EXOC2: variants seen among roughly 807,000 people sequenced by gnomAD.
EXOC2 encodes SEC5-like 1.
EXOC2 carries 70 observed loss-of-function variants against 131.8 expected under a neutral mutation model. That is an observed-to-expected ratio of 0.53 (90% confidence interval 0.44 to 0.65). EXOC2 has a LOEUF of 0.65. Ranked by LOEUF, EXOC2 falls within the 30% of genes least tolerant of loss-of-function variation. The pLI, the probability that EXOC2 is intolerant of heterozygous loss-of-function variation, is 0.00. For missense variants in EXOC2, 923 were observed against 1,108.6 expected (o/e 0.83, Z 2.38); for synonymous variants, 411 against 398.4 (o/e 1.03, Z -0.38).
chr6:669,896 CCCTCATGATTT>C (rs749196147), intron 1 of EXOC2: 1 of 152,202 alleles, frequency 6.6e-6, no homozygotes, highest in African/African-American at 2.4e-5. Context: ...ATCCATGGGT[CCCTCATGATTT>C]CCTCTGCAGT....
chr6:604,709 C>T (rs566604376), intron 7 of EXOC2, among the ~76,000 whole-genome samples: 10 of 147,982 alleles, frequency 6.8e-5, no homozygotes, highest in South Asian at 2.2e-4. Context: ...TGAACTCACG[C>T]GCTGGCCCTG....
chr6:681,732 A>G (rs11243068), intron 1 of EXOC2, among the ~76,000 whole-genome samples: 20,986 of 152,280 alleles, frequency 0.14, 1,571 homozygotes, highest in African/African-American at 0.19. Flanking sequence ...AAATAAAGGT[A>G]GTAATCTTTT....
intron 27 of EXOC2, 82 bp downstream of exon 27, chr6:488,897 A>T (rs1201841129): frequency 7.1e-7 from 1 of 1,405,000 alleles, no homozygotes; most frequent in Non-Finnish European, 9.9e-7. Flanking sequence ...AATCCAAATC[A>T]TTATTTTTAA....
chr6:543,075 C>T lies in EXOC2; in HGVS notation c.2238+6100G>A, dbSNP rs890598550. Among the ~76,000 whole-genome samples, 7 of 152,090 alleles carry T rather than the reference C, an allele frequency of 4.6e-5. No homozygotes were observed. In the East Asian group the frequency reaches 1.2e-3, roughly 25 times the overall value. On this transcript the variant is annotated intron_variant, in intron 22 of 27. Coordinates refer to ENST00000230449, the MANE Select transcript of EXOC2 (RefSeq NM_018303.6). ...CGCTAGGAAGGTTCCTACAACACCA[C>T]GGCTGTCGGATGATGCAAAAGGGCT...
At chr6:670,098 C>T (rs570877050) in intron 1 of EXOC2, 1 of 152,404 alleles carries the variant, frequency 6.6e-6, no homozygotes, top group East Asian at 1.9e-4. Flanking sequence ...TGCCAACATC[C>T]ATCTCAGAGC....
chr6:571,370 A>G (rs567414690), intron 13 of EXOC2, among the ~76,000 whole-genome samples: 1 of 152,314 alleles, frequency 6.6e-6, no homozygotes, highest in Admixed American at 6.5e-5. Flanking sequence ...CACATAGTAA[A>G]TTTTATAGGT....
rs1046755236 is a variant in EXOC2, at chr6:506,484, A to G, written c.2381-6784T>C. ...AAGGCTACATTATTATGCTGCAGTA[A>G]TAAGTACTGTTTTTAAAAAGGTTCC... On this transcript the variant is annotated intron_variant, in intron 23 of 27. Coordinates refer to ENST00000230449, the MANE Select transcript of EXOC2 (RefSeq NM_018303.6). This position sits in a 1 kb window ranked among gnomAD's most constrained non-coding sequence, Gnocchi z 4.4. Among the ~76,000 whole-genome samples the G allele has an allele frequency of 1.3e-4, 20 of 152,348 alleles. No homozygotes were observed. Among genetic ancestry groups the G allele is most frequent in the South Asian group, 4.1e-4 (2 of 4,832 alleles).
At chr6:596,255 G>A (rs1347619124) in intron 10 of EXOC2, among the ~76,000 whole-genome samples, 1 of 151,724 alleles carries the variant, frequency 6.6e-6, no homozygotes, top group Non-Finnish European at 1.5e-5. Flanking sequence ...TGCCAATGAC[G>A]ACGGCTCATA....
intron 11 of EXOC2, among the ~76,000 whole-genome samples, chr6:587,340 G>T (rs1759266158): frequency 6.6e-6 from 1 of 151,970 alleles, no homozygotes; most frequent in African/African-American, 2.4e-5. Context: ...CGCCTCCCAG[G>T]TTCCTGCCAT....
At position 633,270 on chromosome 6, in the gene EXOC2, A is replaced by G. The variant is rs551215155; in HGVS notation, c.119-153T>C. On this transcript the variant is annotated intron_variant, in intron 2 of 27. Coordinates refer to ENST00000230449, the MANE Select transcript of EXOC2 (RefSeq NM_018303.6). ...TGCAGATATACTGTTATCTCTATTG[A>G]CTTTTCCTCTTACCTGTTTTTTTCT... 5.9e-5 allele frequency among the ~76,000 whole-genome samples: 9 copies of G among 152,328 alleles called. No individual in the cohort carries two copies. The South Asian group carries it at 1.9e-3, about 32-fold the overall frequency.
intron 1 of EXOC2, among the ~76,000 whole-genome samples, chr6:660,716 C>A (rs1460700620): frequency 2.0e-5 from 3 of 152,080 alleles, no homozygotes; most frequent in Non-Finnish European, 4.4e-5. Flanking sequence ...AGAAAACCAA[C>A]CCCGGTAATA....
At chr6:626,752 C>T (rs2127695887) in intron 4 of EXOC2, among the ~76,000 whole-genome samples, 1 of 152,072 alleles carries the variant, frequency 6.6e-6, no homozygotes, top group East Asian at 1.9e-4. Context: ...CCACCACGCC[C>T]AGCTAATTTT....
chr6:668,753 T>C (rs1388022246), intron 1 of EXOC2, among the ~76,000 whole-genome samples: 2 of 152,192 alleles, frequency 1.3e-5, no homozygotes, highest in Non-Finnish European at 2.9e-5. Flanking sequence ...GTTCCCTACA[T>C]AAAATTGCAT....
intron 1 of EXOC2, among the ~76,000 whole-genome samples, chr6:692,311 C>G (rs1764965883): frequency 6.6e-6 from 1 of 152,216 alleles, no homozygotes. Context: ...AACTATTTCT[C>G]GGAATTACTA....
At chr6:625,808 G>A (rs1761535656) in intron 4 of EXOC2, among the ~76,000 whole-genome samples, 1 of 152,142 alleles carries the variant, frequency 6.6e-6, no homozygotes, top group Non-Finnish European at 1.5e-5. Context: ...ACAGACACTA[G>A]TGGTGCAACA....
At chr6:527,730 A>G (rs1232000600) in intron 23 of EXOC2, among the ~76,000 whole-genome samples, 2 of 152,212 alleles carry the variant, frequency 1.3e-5, no homozygotes, top group Non-Finnish European at 2.9e-5. Context: ...TATAATTTCA[A>G]TTACTATAAT....
intron 23 of EXOC2, chr6:525,328 A>G (rs1765683259): frequency 6.6e-6 from 1 of 152,244 alleles, no homozygotes; most frequent in South Asian, 2.1e-4. Flanking sequence ...ATTTACCCAA[A>G]GTGGAATTTA....
intron 1 of EXOC2, among the ~76,000 whole-genome samples, chr6:658,968 T>C (rs1051181122): frequency 3.5e-4 from 54 of 152,140 alleles, no homozygotes; most frequent in African/African-American, 1.2e-3. Flanking sequence ...AGCCAAGATA[T>C]TTAAAATATT....
chr6:488,971 G>GGACTT lies in EXOC2; in HGVS notation c.2681+3_2681+7dup. The GGACTT allele has an allele frequency of 6.2e-7, 1 of 1,613,866 alleles. No individual in the cohort carries two copies. Among genetic ancestry groups the GGACTT allele is most frequent in the Non-Finnish European group, 8.5e-7 (1 of 1,179,868 alleles). On this transcript the variant is annotated splice_region_variant and intron_variant, in intron 27 of 27. Coordinates refer to ENST00000230449, the MANE Select transcript of EXOC2 (RefSeq NM_018303.6). ...AACTGGCTCCTAAGAACAGCACACA[G>GGACTT]GACTTACTTTTTATCTGCTCCACTG... is the stretch of plus-strand genomic sequence containing the variant.
Sources: gnomAD v4.1 joint callset for allele counts (sites outside exome capture counted in the v4.1 genomes callset) on GRCh38, gnomAD v4.1.1 for gene constraint, Gnocchi (gnomAD v3.1) non-coding constraint, MANE v1.5 for transcripts, NCBI Gene and HGNC (gene_info 2026-07-23, HGNC 2026-07-21) for gene names.